MAD1L1: variants seen among roughly 807,000 people sequenced by gnomAD.
MAD1L1 encodes mitotic arrest deficient 1 like 1, also known as mitotic spindle assembly checkpoint protein MAD1.
MAD1L1 carries 95 observed loss-of-function variants against 96.9 expected under a neutral mutation model. The ratio of observed to expected loss-of-function variants is 0.98; its 90% CI spans 0.83 to 1.16. The LOEUF (loss-of-function observed/expected upper bound fraction) is 1.16, where lower values mean the gene tolerates loss of function less well. Among genes scored for constraint, MAD1L1 ranks in the 50% most tolerant of loss-of-function variants. The pLI, the probability that MAD1L1 is intolerant of heterozygous loss-of-function variation, is 0.00. For synonymous variants in MAD1L1, 473 were observed against 396.6 expected (o/e 1.19, Z -2.29); for missense variants, 1,007 against 954.4 (o/e 1.06, Z -0.73).
At chr7:1,887,669 G>C (rs1786170532) in intron 18 of MAD1L1, among the ~76,000 whole-genome samples, 1 of 150,150 alleles carries the variant, frequency 6.7e-6, no homozygotes, top group African/African-American at 2.4e-5. Context: ...GCATGTGTGT[G>C]TGAGCATGAA....
intron 11 of MAD1L1, among the ~76,000 whole-genome samples, chr7:2,129,265 G>C (rs1347041590): frequency 3.3e-5 from 5 of 152,228 alleles, no homozygotes; most frequent in Non-Finnish European, 5.9e-5. Context: ...GGCAGGGAGG[G>C]AGTGAAAGAA....
intron 12 of MAD1L1, among the ~76,000 whole-genome samples, chr7:2,057,041 C>T (rs537010326): frequency 2.6e-5 from 4 of 152,220 alleles, no homozygotes; most frequent in Admixed American, 6.5e-5. Flanking sequence ...ACCGGCTTCC[C>T]ACACCCTCCC....
chr7:2,111,561 G>C (rs1355584977), intron 11 of MAD1L1, among the ~76,000 whole-genome samples: 1 of 152,242 alleles, frequency 6.6e-6, no homozygotes, highest in Non-Finnish European at 1.5e-5. Flanking sequence ...TGGGAAATCA[G>C]GTGGGGAAAA....
At chr7:1,827,537 G>C (rs1165251079) in intron 18 of MAD1L1, among the ~76,000 whole-genome samples, 6 of 129,372 alleles carry the variant, frequency 4.6e-5, no homozygotes, top group South Asian at 2.7e-4. Flanking sequence ...CCCGTCCCGG[G>C]TGTGGGGGCC....
chr7:1,973,265 T>A (rs1370373469), intron 15 of MAD1L1, among the ~76,000 whole-genome samples: 1 of 152,234 alleles, frequency 6.6e-6, no homozygotes, highest in Non-Finnish European at 1.5e-5. Flanking sequence ...CAGACACTTC[T>A]GCGTCCTGGG....
At chr7:2,173,209 T>G (rs1349962942) in intron 10 of MAD1L1, among the ~76,000 whole-genome samples, 1 of 152,212 alleles carries the variant, frequency 6.6e-6, no homozygotes, top group Admixed American at 6.5e-5. Flanking sequence ...GACGATAGGC[T>G]TTCATTGCCA....
At chr7:2,173,795 T>C (rs1191718577) in intron 10 of MAD1L1, among the ~76,000 whole-genome samples, 1 of 152,120 alleles carries the variant, frequency 6.6e-6, no homozygotes, top group East Asian at 1.9e-4. Context: ...GAAAAAAGAT[T>C]TGAGGGAGAT....
chr7:2,175,070 A>G (rs1790882126), intron 10 of MAD1L1: 1 of 151,992 alleles, frequency 6.6e-6, no homozygotes, highest in African/African-American at 2.4e-5. Context: ...CCCAGACTCA[A>G]TGCTGAGTGG....
intron 17 of MAD1L1, among the ~76,000 whole-genome samples, chr7:1,912,454 A>G (rs1425953449): frequency 2.6e-5 from 4 of 152,218 alleles, no homozygotes; most frequent in Non-Finnish European, 5.9e-5. Flanking sequence ...TGGCCACTGC[A>G]GAGACTGCAG....
At chr7:1,942,965 G>A (rs1456449009) in intron 16 of MAD1L1, among the ~76,000 whole-genome samples, 2 of 152,192 alleles carry the variant, frequency 1.3e-5, no homozygotes, top group Admixed American at 6.5e-5. Flanking sequence ...GAGAGTCCAG[G>A]AACCAACCAC....
intron 11 of MAD1L1, among the ~76,000 whole-genome samples, chr7:2,102,547 AC>A (rs1786863079): frequency 6.6e-6 from 1 of 151,818 alleles, no homozygotes; most frequent in South Asian, 2.1e-4. Flanking sequence ...CACCACCGTC[AC>A]CATCACAACT....
At chr7:2,164,577 T>G in intron 10 of MAD1L1, among the ~76,000 whole-genome samples, 1 of 98,514 alleles carries the variant, frequency 1.0e-5, no homozygotes. Context: ...AAAACCACAC[T>G]AAGAAGCAGG....
intron 12 of MAD1L1, among the ~76,000 whole-genome samples, chr7:2,052,790 C>A (rs957682922): frequency 6.6e-6 from 1 of 152,168 alleles, no homozygotes; most frequent in Non-Finnish European, 1.5e-5. Flanking sequence ...CCTGGCGCCA[C>A]AGACTGCTGC....
chr7:2,027,702 G>A (rs182139716), intron 12 of MAD1L1, among the ~76,000 whole-genome samples: 4 of 152,330 alleles, frequency 2.6e-5, no homozygotes, highest in Non-Finnish European at 5.9e-5. Context: ...CTTGGCAAAT[G>A]AGGAATAGGG....
chr7:2,020,762 CT>C (rs55993035), intron 12 of MAD1L1, among the ~76,000 whole-genome samples: 43,779 of 146,974 alleles, frequency 0.3, 6,579 homozygotes, highest in South Asian at 0.43. Flanking sequence ...AAAAAGAATA[CT>C]TTTTTTTTTT....
Position 2,025,232 on chromosome 7 carries a change from G to A in MAD1L1, c.1219-10590C>T, listed in dbSNP as rs562666396. Among the ~76,000 whole-genome samples the A allele has an allele frequency of 1.7e-4, 26 of 152,236 alleles. No homozygotes were observed. The South Asian group carries it at 3.5e-3, about 21-fold the overall frequency. On this transcript the variant is annotated intron_variant, in intron 12 of 18. Transcript: ENST00000265854. ...TAATTAAAAAATTATAGATCTAGAG[G>A]AACATTTCAACAACACTTCTCCTGC...
At chr7:1,883,660 G>T (rs572452894) in intron 18 of MAD1L1, among the ~76,000 whole-genome samples, 1 of 152,224 alleles carries the variant, frequency 6.6e-6, no homozygotes, top group South Asian at 2.1e-4. Flanking sequence ...GCGGCAAAGA[G>T]GGTACCGTGG....
Position 1,936,672 on chromosome 7 carries a change from GT to G in MAD1L1, c.1807+14del, listed in dbSNP as rs1309327945. 1 of 1,545,966 alleles carries G rather than the reference GT, an allele frequency of 6.5e-7. No individual in the cohort carries two copies. Among genetic ancestry groups the G allele is most frequent in the Non-Finnish European group, 8.7e-7 (1 of 1,146,818 alleles). ...AGGTCGAGGATGGCAGGGACCGGGG[GT>G]GGGGGGTGCCTACCTGCCACCTCCT... On this transcript the variant is annotated intron_variant, in intron 17 of 18. Transcript: ENST00000265854.
chr7:1,908,022 G>A (rs961448211), intron 17 of MAD1L1, among the ~76,000 whole-genome samples: 2 of 152,248 alleles, frequency 1.3e-5, no homozygotes, highest in Non-Finnish European at 2.9e-5. Flanking sequence ...CTGCAAGGGT[G>A]AGATGAAGGC....
Sources: gnomAD v4.1 joint callset for allele counts (sites outside exome capture counted in the v4.1 genomes callset) on GRCh38, gnomAD v4.1.1 for gene constraint, MANE v1.5 for transcripts, NCBI Gene and HGNC (gene_info 2026-07-23, HGNC 2026-07-21) for gene names.